Variants in KCNN4 observed in about 807,000 individuals in gnomAD.
KCNN4 encodes the protein intermediate conductance calcium-activated potassium channel protein 4.
KCNN4 carries 31 observed loss-of-function variants against 45.2 expected under a neutral mutation model. That is an observed-to-expected ratio of 0.69 (90% CI 0.52 to 0.92). The LOEUF is 0.92. Ranked by LOEUF, KCNN4 falls within the 40% of genes least tolerant of loss-of-function variation. KCNN4 has a pLI of 0.00. For synonymous variants in KCNN4, 231 were observed against 254.6 expected (o/e 0.91, Z 0.88); for missense variants, 463 against 574.0 (o/e 0.81, Z 1.98).
chr19:43,770,544 A>G (rs1243734221), intron 4 of KCNN4, among the ~76,000 whole-genome samples: 1 of 152,116 alleles, frequency 6.6e-6, no homozygotes, highest in Non-Finnish European at 1.5e-5. Flanking sequence ...CCAACCCTAT[A>G]GTTTCAGCTC....
At chr19:43,773,262 A>C (rs1969693589) in intron 3 of KCNN4, among the ~76,000 whole-genome samples, 1 of 152,264 alleles carries the variant, frequency 6.6e-6, no homozygotes, top group Non-Finnish European at 1.5e-5. Flanking sequence ...GTGCCACTGC[A>C]CGCTAGCCTG....
In KCNN4 at chr19:43,774,116, C is replaced by T. The variant is rs1969719321; in HGVS notation, c.683+76G>A. On this transcript the variant is annotated intron_variant, in intron 3 of 8. Coordinates refer to ENST00000648319, the MANE Select transcript of KCNN4 (RefSeq NM_002250.3). The surrounding 1 kb of genome is among the most constrained non-coding windows in gnomAD (Gnocchi z 5.6). ...CTGCTTGGTCCTAGGGGGCCTCAAC[C>T]TGCACCGCGGCACAGGACGGCCGCC... 4 of 1,453,798 alleles carry T rather than the reference C, an allele frequency of 2.8e-6. No individual in the cohort carries two copies. In the Admixed American group the frequency reaches 6.3e-5, roughly 23 times the overall value. 90.1% of individuals were successfully genotyped at this position (1,453,798 alleles called of 1,614,324 possible).
At chr19:43,778,242 G>GTC (rs1599681568) in intron 1 of KCNN4, among the ~76,000 whole-genome samples, 1 of 61,766 alleles carries the variant, frequency 1.6e-5, no homozygotes, top group Admixed American at 2.3e-4. Context: ...TGTTTCTATT[G>GTC]TCTCTTTTTT....
At position 43,780,896 on chromosome 19, in the gene KCNN4, G is replaced by T; in HGVS notation, c.-35C>A. On this transcript the variant is annotated 5_prime_UTR_variant, in exon 1 of 9. Transcript: ENST00000648319. ...GGTCTTGGGGCTCAGCCAGCTTCCT[G>T]CCCAGGGTCCCCCACCTCGCAGCAC... The T allele has an allele frequency of 6.2e-7, 1 of 1,609,138 alleles. No homozygotes were observed. Among genetic ancestry groups the T allele is most frequent in the Non-Finnish European group, 8.5e-7 (1 of 1,177,648 alleles).
intron 8 of KCNN4, 191 bp downstream of exon 8, chr19:43,767,349 A>G (rs1969508562): frequency 1.6e-6 from 1 of 642,766 alleles, no homozygotes; most frequent in Non-Finnish European, 2.6e-6. Context: ...AGTGAAGGGG[A>G]GAGGGTACAC....
Position 43,766,850 on chromosome 19 carries a change from G to A in KCNN4, c.*243C>T, listed in dbSNP as rs1969491011. The A allele has an allele frequency of 6.5e-6, 1 of 152,686 alleles. No individual in the cohort carries two copies. The highest frequency in any genetic ancestry group is 2.4e-5 in the African/African-American group (1 of 41,404). The allele number at this position is 152,686 out of a possible 1,614,324, so 9.5% of individuals were successfully genotyped here. A position where few individuals can be genotyped will look rare whatever the true frequency, so the allele number is the denominator to read the frequency against. On this transcript the variant is annotated 3_prime_UTR_variant, in exon 9 of 9. Coordinates refer to ENST00000648319, the MANE Select transcript of KCNN4 (RefSeq NM_002250.3). ...ATAGCAGCATAGTGAGAGTGTTTTTGATGAGGGTATGCAGAGTGGGGGTGA... is the reference window on the plus strand; with the variant it reads ...ATAGCAGCATAGTGAGAGTGTTTTTAATGAGGGTATGCAGAGTGGGGGTGA...
chr19:43,777,573 C>A (rs560507893), intron 1 of KCNN4, among the ~76,000 whole-genome samples: 40 of 152,288 alleles, frequency 2.6e-4, no homozygotes, highest in African/African-American at 9.6e-4. Flanking sequence ...GGTTCTGCCC[C>A]CCTGCAGCTC....
chr19:43,773,853 G>T (rs1969709844), intron 3 of KCNN4, among the ~76,000 whole-genome samples: 1 of 152,164 alleles, frequency 6.6e-6, no homozygotes, highest in African/African-American at 2.4e-5. Flanking sequence ...AACCCTTTAG[G>T]CAGGTCCCAG....
At chr19:43,777,298 G>GGTGTGTGTGT (rs370942754) in intron 1 of KCNN4, among the ~76,000 whole-genome samples, 122 of 33,114 alleles carry the variant, frequency 3.7e-3, no homozygotes, top group African/African-American at 8.8e-3. Flanking sequence ...TAGTTCTTCA[G>GGTGTGTGTGT]GTGTGTGTGT....
rs141341073 is a variant in KCNN4, at chr19:43,769,484, G to A, written c.1007C>T (p.Ala336Val). The A allele has an allele frequency of 1.5e-5, 24 of 1,614,120 alleles. No homozygotes were observed. The highest frequency in any genetic ancestry group is 2.7e-5 in the African/African-American group (2 of 74,946). Reference protein sequence around the residue: ...YKHTRRKESHAARRHQRKLLA... With the variant: ...YKHTRRKESHVARRHQRKLLA... The stretch of plus-strand genomic sequence containing the variant: ...CAGCTTGCGCTGATGCCTGCGGGCA[G>A]CATGAGACTCCTTCCTGCGAGTATG... Residue 336 changes from alanine (A) to valine (V), a missense_variant, in exon 6 of 9, where the codon GCT becomes GTT. Around this residue, in one of 3 missense-constraint regions of KCNN4, gnomAD observed 129 missense variants for 149.4 expected, o/e 0.86. Transcript: ENST00000648319. The surrounding 1 kb of genome is among the most constrained non-coding windows in gnomAD (Gnocchi z 4.4).
In KCNN4 at chr19:43,778,608, A is replaced by G. The variant is rs1213907938; in HGVS notation, c.160-1972T>C. 3.3e-5 allele frequency among the ~76,000 whole-genome samples: 5 copies of G among 151,582 alleles called. No homozygotes were observed. In the East Asian group the frequency reaches 9.7e-4, roughly 29 times the overall value. ...GATTTCTCAGTAGCTTGATAGCCCT[A>G]TTTGTCTTTCTCTTTAGCTGTACTT... On this transcript the variant is annotated intron_variant, in intron 1 of 8. Coordinates refer to ENST00000648319, the MANE Select transcript of KCNN4 (RefSeq NM_002250.3).
intron 1 of KCNN4, among the ~76,000 whole-genome samples, 169 bp downstream of exon 1, chr19:43,780,534 C>A (rs867034069): frequency 6.9e-6 from 1 of 144,276 alleles, no homozygotes; most frequent in South Asian, 2.2e-4. Flanking sequence ...TCCAAGTCCC[C>A]AGTCCCTCCT....
In KCNN4 at chr19:43,766,571, G is replaced by A. The variant is rs1349379480; in HGVS notation, c.*522C>T. On this transcript the variant is annotated 3_prime_UTR_variant, in exon 9 of 9. Transcript: ENST00000648319. ...ATTTATTACAAAGATAAGAGCAGAG[G>A]CTGGTGAGTTACACTTCTTCCTCCC... The A allele has an allele frequency of 1.3e-5, 2 of 152,316 alleles. No individual in the cohort carries two copies. The highest frequency in any genetic ancestry group is 4.8e-5 in the African/African-American group (2 of 41,444). 9.4% of individuals were successfully genotyped at this position (152,316 alleles called of 1,614,324 possible).
At chr19:43,770,407 G>A (rs768440027) in intron 4 of KCNN4, among the ~76,000 whole-genome samples, 5 of 151,896 alleles carry the variant, frequency 3.3e-5, no homozygotes, top group South Asian at 4.2e-4. Flanking sequence ...ACCTTCCTCC[G>A]AACACTCATT....
rs202097084 is a variant in KCNN4 at position 43,776,527 on chromosome 19, G to C, written c.255+14C>G. On this transcript the variant is annotated intron_variant, in intron 2 of 8. Coordinates refer to ENST00000648319, the MANE Select transcript of KCNN4 (RefSeq NM_002250.3). ...GTTGGAGGGAGCAAGGCTTAGGGGC[G>C]GGGCCTGCCCTACCTGGACCTCTTT... 1 of 1,582,172 alleles carries C rather than the reference G, an allele frequency of 6.3e-7. No individual in the cohort carries two copies. The highest frequency in any genetic ancestry group is 1.3e-5 in the African/African-American group (1 of 74,192).
At chr19:43,771,476 G>T (rs1046522221) in intron 4 of KCNN4, among the ~76,000 whole-genome samples, 8 of 152,110 alleles carry the variant, frequency 5.3e-5, no homozygotes, top group African/African-American at 1.9e-4. Flanking sequence ...AGTGGCAGCC[G>T]CAGGATTCGG....
intron 1 of KCNN4, among the ~76,000 whole-genome samples, 170 bp downstream of exon 1, chr19:43,780,533 C>T (rs1349478768): frequency 5.4e-5 from 7 of 129,576 alleles, no homozygotes; most frequent in African/African-American, 1.8e-4. Flanking sequence ...GTCCAAGTCC[C>T]CAGTCCCTCC....
Position 43,769,047 on chromosome 19 carries a change from G to A in KCNN4, c.1050-15C>T. On this transcript the variant is annotated splice_polypyrimidine_tract_variant and intron_variant, in intron 6 of 8. Coordinates refer to ENST00000648319, the MANE Select transcript of KCNN4 (RefSeq NM_002250.3). This position sits in a 1 kb window ranked among gnomAD's most constrained non-coding sequence, Gnocchi z 4.4. ...CCTGGCGGAACCTGTGGGAAGAAGT[G>A]GGGAGTCAGTTTTACAAGCCTGGTC... is the stretch of plus-strand genomic sequence containing the variant. 1.9e-6 allele frequency: 3 copies of A among 1,614,008 alleles called. No homozygotes were observed. The highest frequency in any genetic ancestry group is 2.5e-6 in the Non-Finnish European group (3 of 1,179,874).
intron 2 of KCNN4, among the ~76,000 whole-genome samples, 186 bp downstream of exon 2, chr19:43,776,355 G>GT (rs914109908): frequency 2.6e-5 from 4 of 151,742 alleles, no homozygotes; most frequent in East Asian, 2.0e-4. Context: ...GGCGGAGCTG[G>GT]TGGGGGAGGC....
Sources: gnomAD v4.1 joint callset for allele counts (sites outside exome capture counted in the v4.1 genomes callset) on GRCh38, gnomAD v4.1.1 for gene constraint, gnomAD v4.1.1 regional missense constraint, Gnocchi (gnomAD v3.1) non-coding constraint, MANE v1.5 for transcripts, NCBI Gene and HGNC (gene_info 2026-07-23, HGNC 2026-07-21) for gene names.